The following ALDH2 variants were observed in gnomAD, a reference collection of about 807,000 sequenced individuals.
ALDH2 encodes the protein aldehyde dehydrogenase 2 family member, also known as aldehyde dehydrogenase, mitochondrial.
In ALDH2, 44 loss-of-function variants were observed where a neutral mutation model predicts 59.6. The ratio of observed to expected loss-of-function variants is 0.74; its 90% CI spans 0.58 to 0.95. The LOEUF (loss-of-function observed/expected upper bound fraction) is 0.95, where lower values mean the gene tolerates loss of function less well. Ranked by LOEUF, ALDH2 falls within the 40% of genes least tolerant of loss-of-function variation. The pLI, the probability that ALDH2 is intolerant of heterozygous loss-of-function variation, is 0.00. For missense variants in ALDH2, 570 were observed against 696.3 expected (o/e 0.82, Z 2.04); for synonymous variants, 291 against 284.0 (o/e 1.02, Z -0.25).
intron 1 of ALDH2, among the ~76,000 whole-genome samples, chr12:111,775,279 A>ACCTACAC (rs1396357014): frequency 1.5e-4 from 23 of 151,784 alleles, no homozygotes; most frequent in Non-Finnish European, 2.1e-4. Flanking sequence ...CTCTCCCCTC[A>ACCTACAC]CCTACACCCT....
At chr12:111,775,557 G>A (rs73420482) in intron 1 of ALDH2, 4,993 of 421,018 alleles carry the variant, frequency 0.012, 211 homozygotes, top group African/African-American at 0.09. Context: ...ATTAAAATAT[G>A]TAGGAATTAG....
At chr12:111,767,777 A>T (rs1342743979) in intron 1 of ALDH2, among the ~76,000 whole-genome samples, 4 of 152,178 alleles carry the variant, frequency 2.6e-5, no homozygotes, top group African/African-American at 2.4e-5. Context: ...ACTTTGGAAT[A>T]TTTTTTGTTT....
rs982518773 is a variant in ALDH2 at position 111,815,407 on chromosome 12, G to A, written c.*5832G>A. 2 of 152,156 alleles carry A rather than the reference G, an allele frequency of 1.3e-5. No individual in the cohort carries two copies. The highest frequency in any genetic ancestry group is 4.8e-5 in the African/African-American group (2 of 41,420). 9.4% of individuals were successfully genotyped at this position (152,156 alleles called of 1,614,324 possible). On this transcript the variant is annotated 3_prime_UTR_variant, in exon 13 of 13. Transcript: ENST00000261733. The stretch of plus-strand genomic sequence containing the variant: ...TTTTGGAGAGTCAGGGTTTCACTAT[G>A]TAGCTCAGGCTGGTCTTCAGCTCCT...
Position 111,798,216 on chromosome 12 carries a change from G to A in ALDH2, c.1222G>A (p.Asp408Asn), listed in dbSNP as rs2068421652. 7 of 1,576,470 alleles carry A rather than the reference G, an allele frequency of 4.4e-6. No individual in the cohort carries two copies. Among genetic ancestry groups the A allele is most frequent in the Non-Finnish European group, 6.0e-6 (7 of 1,160,782 alleles). The change falls in exon 10 of 13, where the codon GAT becomes AAT. Residue 408 changes from aspartate to asparagine, a missense_variant. By Grantham distance (23) the Asp-to-Asn change is conservative (BLOSUM62 1). Coordinates refer to ENST00000261733, the MANE Select transcript of ALDH2 (RefSeq NM_000690.4). ...IQPTVFGDVQ[D>N]GMTIAKEEIF... ...GCCCACTGTGTTTGGAGATGTGCAG[G>A]ATGGCATGACCATCGCCAAGGAGGA...
intron 12 of ALDH2, 31 bp downstream of exon 12, chr12:111,804,004 C>A: frequency 6.5e-7 from 1 of 1,539,212 alleles, no homozygotes; most frequent in South Asian, 1.2e-5. Context: ...GGGCTCAGGG[C>A]CTGTTGGGGC....
chr12:111,781,329 G>T (rs749879765), intron 1 of ALDH2, among the ~76,000 whole-genome samples: 1 of 152,146 alleles, frequency 6.6e-6, no homozygotes, highest in Non-Finnish European at 1.5e-5. Context: ...TCTGAAGCTA[G>T]ATCTTAGGAA....
intron 8 of ALDH2, 140 bp from the exon 9 acceptor site, chr12:111,792,458 A>G: frequency 1.9e-6 from 2 of 1,028,020 alleles, no homozygotes; most frequent in Non-Finnish European, 2.8e-6. Context: ...AGCACCCCTC[A>G]TCTCCCTGTA....
chr12:111,774,917 T>C (rs1019782317), intron 1 of ALDH2, among the ~76,000 whole-genome samples: 1 of 152,166 alleles, frequency 6.6e-6, no homozygotes, highest in African/African-American at 2.4e-5. Flanking sequence ...TCTAACTCAG[T>C]AGTTCTAATT....
intron 4 of ALDH2, 23 bp from the exon 5 acceptor site, chr12:111,789,800 C>T (rs751889386): frequency 6.3e-7 from 1 of 1,598,876 alleles, no homozygotes; most frequent in South Asian, 1.1e-5. Context: ...TTGATTCGAG[C>T]TTGAACGTTT....
intron 11 of ALDH2, among the ~76,000 whole-genome samples, chr12:111,801,855 G>A (rs2068453929): frequency 6.6e-6 from 1 of 152,148 alleles, no homozygotes; most frequent in Admixed American, 6.6e-5. Flanking sequence ...TGCCTCCTGG[G>A]CACAGGGCTT....
intron 6 of ALDH2, 22 bp from the exon 7 acceptor site, chr12:111,791,284 T>TC: frequency 3.2e-6 from 5 of 1,582,958 alleles, no homozygotes; most frequent in Admixed American, 1.7e-5. Context: ...ACTCCCAATG[T>TC]CCCCTGGCTG....
intron 11 of ALDH2, among the ~76,000 whole-genome samples, chr12:111,802,212 G>C (rs2136025776): frequency 6.6e-6 from 1 of 152,204 alleles, no homozygotes; most frequent in South Asian, 2.1e-4. Flanking sequence ...AGGAGTTCAA[G>C]ACCAGCCTGA....
At chr12:111,785,822 C>T (rs1319415931) in intron 4 of ALDH2, among the ~76,000 whole-genome samples, 1 of 152,200 alleles carries the variant, frequency 6.6e-6, no homozygotes, top group African/African-American at 2.4e-5. Context: ...TGGGAAAATC[C>T]TTCAATATCA....
At chr12:111,803,005 A>G (rs2068466765) in intron 11 of ALDH2, among the ~76,000 whole-genome samples, 1 of 151,822 alleles carries the variant, frequency 6.6e-6, no homozygotes, top group Non-Finnish European at 1.5e-5. Flanking sequence ...AGCCTGACCA[A>G]CATGGTGAAA....
At chr12:111,790,305 G>C in intron 5 of ALDH2, 129 bp from the exon 6 acceptor site, 1 of 1,190,768 alleles carries the variant, frequency 8.4e-7, no homozygotes, top group South Asian at 1.4e-5. Context: ...GATGGATGGA[G>C]TTAGGGGAGG....
chr12:111,790,647 C>T (rs540929444), intron 6 of ALDH2, 85 bp downstream of exon 6: 1 of 1,564,440 alleles, frequency 6.4e-7, no homozygotes, highest in East Asian at 2.3e-5. Flanking sequence ...CTCAGGGGTC[C>T]CTAAACAGGG....
chr12:111,798,773 G>A (rs1204201035), intron 10 of ALDH2, among the ~76,000 whole-genome samples: 4 of 152,126 alleles, frequency 2.6e-5, no homozygotes, highest in Admixed American at 6.5e-5. Context: ...TTGGGAGGCC[G>A]AAGTGGGTGG....
chr12:111,803,821 C>A (rs2068472564), intron 11 of ALDH2, 38 bp from the exon 12 acceptor site: 1 of 1,511,816 alleles, frequency 6.6e-7, no homozygotes, highest in Non-Finnish European at 9.1e-7. Context: ...ACCCATAACC[C>A]CCAAGAGTGA....
chr12:111,778,847 A>T (rs1197960576), intron 1 of ALDH2, among the ~76,000 whole-genome samples: 1 of 149,654 alleles, frequency 6.7e-6, no homozygotes, highest in Non-Finnish European at 1.5e-5. Flanking sequence ...AAAAAAAAAA[A>T]GCCCATATTC....
Sources: gnomAD v4.1 joint callset for allele counts (sites outside exome capture counted in the v4.1 genomes callset) on GRCh38, gnomAD v4.1.1 for gene constraint, MANE v1.5 for transcripts, NCBI Gene and HGNC (gene_info 2026-07-23, HGNC 2026-07-21) for gene names.